The following HEATR6 variants were observed in gnomAD, a reference collection of about 807,000 sequenced individuals.
HEATR6 encodes the protein HEAT repeat containing 6, also known as HEAT repeat-containing protein 6.
HEATR6 carries 106 observed loss-of-function variants against 132.8 expected under a neutral mutation model. That is an observed-to-expected ratio of 0.80 (90% CI 0.68 to 0.94). The LOEUF (loss-of-function observed/expected upper bound fraction) is 0.94. Ranked by LOEUF, HEATR6 falls within the 40% of genes least tolerant of loss-of-function variation. The probability of loss-of-function intolerance (pLI) is 0.00; values close to 1 mark genes in which losing one functional copy is unlikely to be tolerated. For synonymous variants in HEATR6, 529 were observed against 537.8 expected (o/e 0.98, Z 0.23); for missense variants, 1,339 against 1,425.1 (o/e 0.94, Z 0.97).
In HEATR6 at chr17:60,067,743, G is replaced by A. The variant is rs1196174218; in HGVS notation, c.940-11C>T. ...TTTTTTCTTTTTATTCTGATTGTGG[G>A]AGCAAATGAAGACATATATAATAAC... On this transcript the variant is annotated splice_polypyrimidine_tract_variant and intron_variant, in intron 7 of 19. Coordinates refer to ENST00000184956, the MANE Select transcript of HEATR6 (RefSeq NM_022070.5). The A allele has an allele frequency of 2.5e-6, 4 of 1,603,626 alleles. No homozygotes were observed. Among genetic ancestry groups the A allele is most frequent in the Admixed American group, 3.4e-5 (2 of 58,150 alleles).
intron 11 of HEATR6, among the ~76,000 whole-genome samples, chr17:60,058,459 GA>G (rs1568622680): frequency 6.6e-6 from 1 of 152,196 alleles, no homozygotes; most frequent in Non-Finnish European, 1.5e-5. Context: ...TGCAGATAAT[GA>G]AAAGTTGGTA....
intron 1 of HEATR6, 63 bp from the exon 2 acceptor site, chr17:60,076,300 C>A: frequency 1.2e-6 from 1 of 801,244 alleles, no homozygotes; most frequent in Admixed American, 2.4e-5. Flanking sequence ...CCTCAAAACA[C>A]AGCCAAATGG....
intron 10 of HEATR6, 112 bp from the exon 11 acceptor site, chr17:60,059,633 C>T: frequency 1.4e-6 from 1 of 724,464 alleles, no homozygotes; most frequent in Non-Finnish European, 2.3e-6. Flanking sequence ...AAAAATTAGC[C>T]CCCCTTTTTT....
intron 9 of HEATR6, among the ~76,000 whole-genome samples, chr17:60,061,815 C>T (rs1481083332): frequency 1.3e-5 from 2 of 152,268 alleles, no homozygotes; most frequent in African/African-American, 4.8e-5. Context: ...CTACTAGAGG[C>T]TCGTCCGAAC....
At chr17:60,065,510 C>T (rs1055136005) in intron 9 of HEATR6, among the ~76,000 whole-genome samples, 4 of 152,210 alleles carry the variant, frequency 2.6e-5, no homozygotes, top group African/African-American at 9.6e-5. Flanking sequence ...TTATTGTAAA[C>T]AGCAGGCTAT....
rs112852590 is a variant in HEATR6, at chr17:60,066,993, G to A, written c.1238+441C>T. On this transcript the variant is annotated intron_variant, in intron 8 of 19. Transcript: ENST00000184956. ...GGCAGATCAAGAGAACAAGTCGGCC[G>A]GGCGCGGTGGCTCACGCCTGTAATC... Among the ~76,000 whole-genome samples the A allele has an allele frequency of 8.7e-3, 1,332 of 152,264 alleles. 9 individuals carry two copies. Among genetic ancestry groups the A allele is most frequent in the African/African-American group, 0.025 (1,051 of 41,552 alleles).
At chr17:60,063,368 T>G (rs972835492) in intron 9 of HEATR6, 4 of 152,242 alleles carry the variant, frequency 2.6e-5, no homozygotes, top group Non-Finnish European at 5.9e-5. Context: ...CTTGATGATA[T>G]TCTCCATAAT....
intron 14 of HEATR6, among the ~76,000 whole-genome samples, chr17:60,052,903 A>G (rs1365867948): frequency 6.6e-6 from 1 of 152,118 alleles, no homozygotes; most frequent in Non-Finnish European, 1.5e-5. Context: ...TAGCATCTTT[A>G]CATGTCATTT....
chr17:60,057,023 G>C lies in HEATR6; in HGVS notation c.2079+25C>G, dbSNP rs1347018158. On this transcript the variant is annotated intron_variant, in intron 12 of 19. Coordinates refer to ENST00000184956, the MANE Select transcript of HEATR6 (RefSeq NM_022070.5). Reference sequence around the variant, plus strand: ...AGGAGGAATGGTTACTTCCATTTCAGAGATGAGGAAATGAAATCTCCTACC... The same window carrying C: ...AGGAGGAATGGTTACTTCCATTTCACAGATGAGGAAATGAAATCTCCTACC... 2.0e-6 allele frequency: 3 copies of C among 1,501,710 alleles called. No individual in the cohort carries two copies. The African/African-American group carries it at 4.2e-5, about 21-fold the overall frequency. 93.0% of individuals were successfully genotyped at this position (1,501,710 alleles called of 1,614,324 possible).
chr17:60,067,711 C>A lies in HEATR6; in HGVS notation c.961G>T (p.Val321Leu). 1.9e-6 allele frequency: 3 copies of A among 1,612,552 alleles called. No individual in the cohort carries two copies. In the South Asian group the frequency reaches 3.3e-5, roughly 18 times the overall value. Reference protein sequence around the residue: ...PTLNKKKKSKVKPKKIQQGEE... With the variant: ...PTLNKKKKSKLKPKKIQQGEE... ...CCTTGCTGGATTTTCTTTGGTTTTA[C>A]TTTGGATTTTTTCTTTTTATTCTGA... Residue 321 changes from valine (V) to leucine (L), a missense_variant, in exon 8 of 20, where the codon GTA becomes TTA. Coordinates refer to ENST00000184956, the MANE Select transcript of HEATR6 (RefSeq NM_022070.5).
chr17:60,048,382 T>A lies in HEATR6; in HGVS notation c.2554A>T (p.Ile852Leu), dbSNP rs374468551. ...VLFPCLRQDVIFVADAANAIL... is the reference protein window; with the variant it reads ...VLFPCLRQDVLFVADAANAIL... ...GCATTTGCTGCGTCTGCAACAAATA[T>A]GACATCCTGTAACACAAAACAAAAC... is the stretch of plus-strand genomic sequence containing the variant. The change falls in exon 17 of 20, where the codon ATA (isoleucine) becomes TTA (leucine). Residue 852 changes from isoleucine to leucine, a missense_variant. Ile to Leu is a conservative substitution (Grantham distance 5). Coordinates refer to ENST00000184956, the MANE Select transcript of HEATR6 (RefSeq NM_022070.5). 1.8e-5 allele frequency: 29 copies of A among 1,611,592 alleles called. No homozygotes were observed. In the African/African-American group the frequency reaches 3.6e-4, roughly 20 times the overall value.
At chr17:60,055,731 G>A (rs1906722509) in intron 13 of HEATR6, 130 bp from the exon 14 acceptor site, 1 of 580,450 alleles carries the variant, frequency 1.7e-6, no homozygotes, top group Non-Finnish European at 3.0e-6. Context: ...TCACTCGAGT[G>A]ACACCTTCAC....
intron 7 of HEATR6, 65 bp downstream of exon 7, chr17:60,069,646 G>A: frequency 6.7e-7 from 1 of 1,488,238 alleles, no homozygotes. Context: ...GCAAATCATA[G>A]AAAACACACA....
intron 17 of HEATR6, 81 bp downstream of exon 17, chr17:60,048,183 C>T: frequency 6.8e-7 from 1 of 1,461,802 alleles, no homozygotes; most frequent in South Asian, 1.4e-5. Flanking sequence ...ACTGCTGATT[C>T]TTTCATGGTA....
chr17:60,072,147 G>C (rs2083272383), intron 5 of HEATR6, 68 bp downstream of exon 5: 1 of 684,518 alleles, frequency 1.5e-6, no homozygotes, highest in Non-Finnish European at 2.4e-6. Context: ...AAACTCGTTA[G>C]TAACACTTTT....
chr17:60,044,220 A>G (rs1906287818), intron 19 of HEATR6, 86 bp from the exon 20 acceptor site: 3 of 926,246 alleles, frequency 3.2e-6, no homozygotes, highest in African/African-American at 1.7e-5. Flanking sequence ...AAGCTTAAAC[A>G]CTAGTGCTCA....
chr17:60,067,476 G>C lies in HEATR6; in HGVS notation c.1196C>G (p.Ser399Ter). 1 of 1,578,900 alleles carries C rather than the reference G, an allele frequency of 6.3e-7. No individual in the cohort carries two copies. ...GCCTCCTTCAGCATCAGAAAAGTCTGACTCACTACTGCTGACCCTTTTCCA... is the reference window on the plus strand; with the variant it reads ...GCCTCCTTCAGCATCAGAAAAGTCTCACTCACTACTGCTGACCCTTTTCCA... ...SSWKRVSSSE[S>*]DFSDAEGGMQ... Residue 399 changes from serine to a stop codon, truncating the protein, a stop_gained, in exon 8 of 20, where the codon TCA (serine) becomes TGA (stop). Coordinates refer to ENST00000184956, the MANE Select transcript of HEATR6 (RefSeq NM_022070.5). LOFTEE classifies it high-confidence loss of function.
intron 4 of HEATR6, among the ~76,000 whole-genome samples, 184 bp from the exon 5 acceptor site, chr17:60,072,513 G>C (rs1448441656): frequency 6.6e-6 from 1 of 152,146 alleles, no homozygotes; most frequent in African/African-American, 2.4e-5. Flanking sequence ...CACAGGGCTA[G>C]AATGAATATA....
chr17:60,069,486 C>G (rs1597955687), intron 7 of HEATR6, among the ~76,000 whole-genome samples: 1 of 152,150 alleles, frequency 6.6e-6, no homozygotes, highest in South Asian at 2.1e-4. Context: ...AAAGTGAATG[C>G]TCATTTTTAT....
Sources: gnomAD v4.1 joint callset for allele counts (sites outside exome capture counted in the v4.1 genomes callset) on GRCh38, gnomAD v4.1.1 for gene constraint, MANE v1.5 for transcripts, NCBI Gene and HGNC (gene_info 2026-07-23, HGNC 2026-07-21) for gene names.